Variants in PLEKHA2 observed in about 807,000 individuals in gnomAD.
The protein encoded by PLEKHA2 is pleckstrin homology domain-containing family A member 2.
In PLEKHA2, 28 loss-of-function variants were observed where a neutral mutation model predicts 53.2. That is an observed-to-expected ratio of 0.53 (90% confidence interval 0.39 to 0.72). PLEKHA2 has a LOEUF of 0.72. Ranked by LOEUF, PLEKHA2 falls within the 30% of genes least tolerant of loss-of-function variation. The probability of loss-of-function intolerance (pLI) is 0.00; values close to 1 mark genes in which losing one functional copy is unlikely to be tolerated. For missense variants in PLEKHA2, 426 were observed against 537.9 expected (o/e 0.79, Z 2.06); for synonymous variants, 193 against 196.4 (o/e 0.98, Z 0.14).
At position 38,970,936 on chromosome 8, in the gene PLEKHA2, C is replaced by T. The variant is rs1213068948; in HGVS notation, c.*1153C>T. 2 of 152,192 alleles carry T rather than the reference C, an allele frequency of 1.3e-5. No individual in the cohort carries two copies. Among genetic ancestry groups the T allele is most frequent in the East Asian group, 1.9e-4 (1 of 5,208 alleles). The allele number at this position is 152,192 out of a possible 1,614,324, so 9.4% of individuals were successfully genotyped here. ...TATGGTGAATTGCCACCAGCGTTCC[C>T]TAAAGGAAGAGAGAACTTAGCTTAT... is the stretch of plus-strand genomic sequence containing the variant. On this transcript the variant is annotated 3_prime_UTR_variant, in exon 12 of 12. Transcript: ENST00000617275.
Position 38,957,315 on chromosome 8 carries a change from C to G in PLEKHA2, c.774-8C>G. ...ACGCCATAACATTCTTTCTCTTTCT[C>G]TGTCTAGTGATCTCTTAATGAGGGA... On this transcript the variant is annotated splice_polypyrimidine_tract_variant and splice_region_variant and intron_variant, in intron 9 of 11. Transcript: ENST00000617275. 1.2e-6 allele frequency: 2 copies of G among 1,608,574 alleles called. No individual in the cohort carries two copies. The highest frequency in any genetic ancestry group is 2.2e-5 in the South Asian group (2 of 90,980).
At chr8:38,968,898 C>A in intron 11 of PLEKHA2, 3 of 250,352 alleles carry the variant, frequency 1.2e-5, no homozygotes, top group Middle Eastern at 1.3e-3. Context: ...AATGGAATTT[C>A]TTTTTTTTTT....
At chr8:38,928,512 G>A (rs1387251838) in intron 2 of PLEKHA2, among the ~76,000 whole-genome samples, 1 of 151,992 alleles carries the variant, frequency 6.6e-6, no homozygotes, top group Non-Finnish European at 1.5e-5. Flanking sequence ...GCCTCCCAAA[G>A]TGTTGAGATT....
At chr8:38,959,318 C>A (rs1835001638) in intron 10 of PLEKHA2, among the ~76,000 whole-genome samples, 1 of 151,920 alleles carries the variant, frequency 6.6e-6, no homozygotes, top group Non-Finnish European at 1.5e-5. Context: ...TTTTTTAAAG[C>A]CTGGTAATAA....
chr8:38,945,592 T>C (rs547216894), intron 4 of PLEKHA2, among the ~76,000 whole-genome samples: 1 of 152,238 alleles, frequency 6.6e-6, no homozygotes, highest in South Asian at 2.1e-4. Flanking sequence ...AATGTGGAAG[T>C]AAATTGTTGA....
intron 10 of PLEKHA2, among the ~76,000 whole-genome samples, chr8:38,966,907 C>T (rs532910580): frequency 3.9e-5 from 6 of 151,946 alleles, no homozygotes; most frequent in Non-Finnish European, 7.4e-5. Context: ...TATTGTGCAT[C>T]GTACGCATCA....
chr8:38,902,922 C>T (rs1833814148), intron 1 of PLEKHA2, among the ~76,000 whole-genome samples: 2 of 152,208 alleles, frequency 1.3e-5, no homozygotes, highest in Non-Finnish European at 2.9e-5. Flanking sequence ...ATCATCATCT[C>T]AGACATTAGC....
chr8:38,925,635 A>G (rs1475020398), intron 2 of PLEKHA2, among the ~76,000 whole-genome samples: 2 of 152,200 alleles, frequency 1.3e-5, no homozygotes, highest in African/African-American at 2.4e-5. Context: ...CTTTGCTTTT[A>G]TTTAATTTTT....
At position 38,928,242 on chromosome 8, in the gene PLEKHA2, T is replaced by A. The variant is rs560135009; in HGVS notation, c.142-7752T>A. Among the ~76,000 whole-genome samples the A allele has an allele frequency of 6.7e-3, 988 of 147,026 alleles. 14 individuals are homozygous for A. The highest frequency in any genetic ancestry group is 9.3e-3 in the Non-Finnish European group (619 of 66,576). ...CCCAGGCCTCTGACCTGGTCTTTTT[T>A]TTTTTTTTTTTTTTCTTTTTGAGAT... On this transcript the variant is annotated intron_variant, in intron 2 of 11. Transcript: ENST00000617275.
rs112687886 is a variant in PLEKHA2 at position 38,957,719 on chromosome 8, C to T, written c.837+333C>T. On this transcript the variant is annotated intron_variant, in intron 10 of 11. Coordinates refer to ENST00000617275, the MANE Select transcript of PLEKHA2 (RefSeq NM_021623.2). Reference sequence around the variant, plus strand: ...TCCTTTGGAGGGTATTTATAAGTCTCGTCTGTGTGTGGACATCACTGTGTG... The same window carrying T: ...TCCTTTGGAGGGTATTTATAAGTCTTGTCTGTGTGTGGACATCACTGTGTG... Among the ~76,000 whole-genome samples, 6 of 152,286 alleles carry T rather than the reference C, an allele frequency of 3.9e-5. 1 individual carries two copies. The highest frequency in any genetic ancestry group is 1.4e-4 in the African/African-American group (6 of 41,546).
rs1227641324 is a variant in PLEKHA2, at chr8:38,969,933, C to T, written c.*150C>T. The T allele has an allele frequency of 2.9e-6, 3 of 1,023,032 alleles. No homozygotes were observed. The highest frequency in any genetic ancestry group is 4.1e-6 in the Non-Finnish European group (3 of 722,914). 63.4% of individuals were successfully genotyped at this position (1,023,032 alleles called of 1,614,324 possible). On this transcript the variant is annotated 3_prime_UTR_variant, in exon 12 of 12. Coordinates refer to ENST00000617275, the MANE Select transcript of PLEKHA2 (RefSeq NM_021623.2). ...GCTCTTTGGGAGGGAGGGGCCCATC[C>T]AGCTGGGCTGTGTGTGTGTGTGTGT...
At chr8:38,958,014 C>T (rs918718261) in intron 10 of PLEKHA2, among the ~76,000 whole-genome samples, 14 of 152,178 alleles carry the variant, frequency 9.2e-5, no homozygotes, top group African/African-American at 3.4e-4. Flanking sequence ...CGTGGTGATG[C>T]TGGACTTTTA....
chr8:38,952,365 G>C (rs1834861473), intron 7 of PLEKHA2, 53 bp downstream of exon 7: 2 of 1,588,638 alleles, frequency 1.3e-6, no homozygotes, highest in Admixed American at 1.8e-5. Context: ...CTCAGAGCCA[G>C]TGGCTGTAGA....
chr8:38,901,885 G>C (rs1833792123), intron 1 of PLEKHA2: 1 of 152,210 alleles, frequency 6.6e-6, no homozygotes, highest in Non-Finnish European at 1.5e-5. Flanking sequence ...AGCAGAGAAC[G>C]TCCCCAGGCA....
intron 1 of PLEKHA2, among the ~76,000 whole-genome samples, chr8:38,907,818 T>TTATGTATGTATGTATG (rs79770085): frequency 6.8e-6 from 1 of 147,176 alleles, no homozygotes; most frequent in Admixed American, 6.9e-5. Flanking sequence ...GCCACTTATT[T>TTATGTATGTATGTATG]TATGTATGTA....
At chr8:38,936,286 T>C (rs569514519) in intron 3 of PLEKHA2, among the ~76,000 whole-genome samples, 1 of 152,230 alleles carries the variant, frequency 6.6e-6, no homozygotes, top group Non-Finnish European at 1.5e-5. Flanking sequence ...CTTGAACACA[T>C]CAATCCATAA....
At chr8:38,966,695 C>T (rs1835143173) in intron 10 of PLEKHA2, among the ~76,000 whole-genome samples, 1 of 152,188 alleles carries the variant, frequency 6.6e-6, no homozygotes, top group Non-Finnish European at 1.5e-5. Flanking sequence ...AAATAAGTAA[C>T]TCGGCTTCAT....
chr8:38,929,529 T>C (rs1834350407), intron 2 of PLEKHA2, among the ~76,000 whole-genome samples: 1 of 152,256 alleles, frequency 6.6e-6, no homozygotes, highest in African/African-American at 2.4e-5. Context: ...GCTTGAATAC[T>C]GGCTCCGCTG....
chr8:38,916,051 C>T (rs761794429), intron 1 of PLEKHA2, among the ~76,000 whole-genome samples: 2 of 152,152 alleles, frequency 1.3e-5, no homozygotes, highest in African/African-American at 4.8e-5. Context: ...TCTCGTCTCA[C>T]TATAACCTCC....
Sources: gnomAD v4.1 joint callset for allele counts (sites outside exome capture counted in the v4.1 genomes callset) on GRCh38, gnomAD v4.1.1 for gene constraint, MANE v1.5 for transcripts, NCBI Gene and HGNC (gene_info 2026-07-23, HGNC 2026-07-21) for gene names.